Variants in KIRREL3 observed in about 807,000 individuals in gnomAD.
KIRREL3 encodes kirre like nephrin family adhesion molecule 3.
A neutral mutation model predicts 89.7 loss-of-function variants in KIRREL3; 36 were observed. That is an observed-to-expected ratio of 0.40 (90% CI 0.31 to 0.53). KIRREL3 has a LOEUF of 0.53. Ranked by LOEUF, KIRREL3 falls within the 20% of genes least tolerant of loss-of-function variation. The probability of loss-of-function intolerance (pLI) is 0.49; values close to 1 mark genes in which losing one functional copy is unlikely to be tolerated. For synonymous variants in KIRREL3, 445 were observed against 441.4 expected (o/e 1.01, Z -0.10); for missense variants, 864 against 1,056.6 (o/e 0.82, Z 2.53).
chr11:126,982,528 G>T (rs775005422), intron 1 of KIRREL3, among the ~76,000 whole-genome samples: 10 of 152,156 alleles, frequency 6.6e-5, no homozygotes, highest in African/African-American at 1.2e-4. Flanking sequence ...ACAATGAGTG[G>T]CATCTAATGT....
rs1342674752 is a variant in KIRREL3, at chr11:126,495,213, A to T, written c.434-21747T>A. 3.9e-5 allele frequency among the ~76,000 whole-genome samples: 6 copies of T among 152,028 alleles called. No homozygotes were observed. Among genetic ancestry groups the T allele is most frequent in the Admixed American group, 3.9e-4 (6 of 15,278 alleles). On this transcript the variant is annotated intron_variant, in intron 4 of 16. Coordinates refer to ENST00000525144, the MANE Select transcript of KIRREL3 (RefSeq NM_032531.4). This position sits in a 1 kb window ranked among gnomAD's most constrained non-coding sequence, Gnocchi z 6.5. ...AGGACACTTAGGGCAGGGCCTGCAA[A>T]CTGGCTCTTCCTTGCCTTTCAGGAA...
chr11:126,456,057 T>TTTTTTTTTTA (rs147218473), intron 7 of KIRREL3, among the ~76,000 whole-genome samples: 3 of 109,800 alleles, frequency 2.7e-5, no homozygotes, highest in Admixed American at 1.1e-4. Context: ...TTTTTTTTTT[T>TTTTTTTTTTA]CCTGAGCCTT....
At chr11:126,992,272 A>G (rs1950053722) in intron 1 of KIRREL3, among the ~76,000 whole-genome samples, 1 of 152,214 alleles carries the variant, frequency 6.6e-6, no homozygotes, top group Admixed American at 6.5e-5. Flanking sequence ...TTTGGACGTC[A>G]TCTAGTCTAC....
At chr11:126,738,164 C>T (rs964289888) in intron 1 of KIRREL3, among the ~76,000 whole-genome samples, 2 of 152,190 alleles carry the variant, frequency 1.3e-5, no homozygotes, top group Non-Finnish European at 2.9e-5. Flanking sequence ...AAGCATGTGC[C>T]ACCAACATCT....
rs930349988 is a variant in KIRREL3, at chr11:126,946,719, T to G, written c.55+53736A>C. ...GATATCCTAATAACAGGTGTAATAA[T>G]AATCACTACTCTTATTAATTTTGTA... On this transcript the variant is annotated intron_variant, in intron 1 of 16. Transcript: ENST00000525144. This position sits in a 1 kb window ranked among gnomAD's most constrained non-coding sequence, Gnocchi z 4.1. 2.0e-5 allele frequency among the ~76,000 whole-genome samples: 3 copies of G among 152,184 alleles called. No individual in the cohort carries two copies. The highest frequency in any genetic ancestry group is 7.2e-5 in the African/African-American group (3 of 41,442).
chr11:126,603,575 A>C (rs982205535), intron 1 of KIRREL3, among the ~76,000 whole-genome samples: 2 of 152,378 alleles, frequency 1.3e-5, no homozygotes, highest in South Asian at 2.1e-4. Context: ...CTCTGCAGAC[A>C]TGCTGAACTG....
Position 126,763,351 on chromosome 11 carries a change from C to T in KIRREL3, c.56-200439G>A, listed in dbSNP as rs1040180793. Reference sequence around the variant, plus strand: ...CAAGAGTCCACATCTGTGCCAAGGGCTGGGCAGGGCAGTGCTCCTCACTTC... The same window carrying T: ...CAAGAGTCCACATCTGTGCCAAGGGTTGGGCAGGGCAGTGCTCCTCACTTC... On this transcript the variant is annotated intron_variant, in intron 1 of 16. Transcript: ENST00000525144. This position sits in a 1 kb window ranked among gnomAD's most constrained non-coding sequence, Gnocchi z 4.7. 4.6e-5 allele frequency among the ~76,000 whole-genome samples: 7 copies of T among 152,192 alleles called. No individual in the cohort carries two copies. The highest frequency in any genetic ancestry group is 1.3e-4 in the Admixed American group (2 of 15,282).
At chr11:126,971,258 G>A (rs1237271311) in intron 1 of KIRREL3, among the ~76,000 whole-genome samples, 1 of 152,170 alleles carries the variant, frequency 6.6e-6, no homozygotes, top group African/African-American at 2.4e-5. Context: ...GTATGCTTCT[G>A]ATTCTTGAAT....
At chr11:126,894,174 G>A (rs980818184) in intron 1 of KIRREL3, among the ~76,000 whole-genome samples, 3 of 152,140 alleles carry the variant, frequency 2.0e-5, no homozygotes, top group Non-Finnish European at 4.4e-5. Context: ...TTCCTCTTAA[G>A]GAAAAATAAG....
chr11:126,812,693 C>A lies in KIRREL3; in HGVS notation c.55+187762G>T, dbSNP rs953368384. ...TTTGTCCATACAGCACCACACTGGG[C>A]GTCAGGGTCCTTTTGTTGGGATGAG... On this transcript the variant is annotated intron_variant, in intron 1 of 16. Coordinates refer to ENST00000525144, the MANE Select transcript of KIRREL3 (RefSeq NM_032531.4). The surrounding 1 kb of genome is among the most constrained non-coding windows in gnomAD (Gnocchi z 5.2). 6.6e-6 allele frequency among the ~76,000 whole-genome samples: 1 copy of A among 152,204 alleles called. No homozygotes were observed. The highest frequency in any genetic ancestry group is 6.5e-5 in the Admixed American group (1 of 15,274).
intron 2 of KIRREL3, among the ~76,000 whole-genome samples, chr11:126,554,915 C>CT (rs1939585466): frequency 6.6e-6 from 1 of 152,172 alleles, no homozygotes; most frequent in African/African-American, 2.4e-5. Flanking sequence ...AGCAGGGCAG[C>CT]AACTGGGCAT....
chr11:126,949,040 T>C (rs1316092894), intron 1 of KIRREL3, among the ~76,000 whole-genome samples: 2 of 152,226 alleles, frequency 1.3e-5, no homozygotes, highest in Non-Finnish European at 2.9e-5. Flanking sequence ...TTTATTATTC[T>C]ACAACATGAT....
rs1167897696 is a variant in KIRREL3, at chr11:126,527,050, G to A, written c.134-363C>T. The stretch of plus-strand genomic sequence containing the variant: ...TGCTGGGCATGCAGTCCCACACCAG[G>A]GCAGAAACAGGAGAGAGAGAGAGAG... On this transcript the variant is annotated intron_variant, in intron 2 of 16. Transcript: ENST00000525144. The surrounding 1 kb of genome is among the most constrained non-coding windows in gnomAD (Gnocchi z 4.2). Among the ~76,000 whole-genome samples the A allele has an allele frequency of 6.6e-6, 1 of 152,184 alleles. No individual in the cohort carries two copies. Among genetic ancestry groups the A allele is most frequent in the African/African-American group, 2.4e-5 (1 of 41,440 alleles).
chr11:126,514,436 C>T (rs1187034763), intron 4 of KIRREL3, among the ~76,000 whole-genome samples: 1 of 152,104 alleles, frequency 6.6e-6, no homozygotes, highest in Non-Finnish European at 1.5e-5. Flanking sequence ...TCCTGCCTTG[C>T]TTGATACATG....
intron 2 of KIRREL3, among the ~76,000 whole-genome samples, chr11:126,546,080 CTG>C (rs1240259890): frequency 2.6e-5 from 4 of 152,190 alleles, no homozygotes; most frequent in African/African-American, 7.2e-5. Flanking sequence ...AAAGTAATGA[CTG>C]TGGTGTTTGG....
rs1412815274 is a variant in KIRREL3, at chr11:126,636,096, A to G, written c.56-73184T>C. 2.0e-5 allele frequency among the ~76,000 whole-genome samples: 3 copies of G among 152,124 alleles called. No individual in the cohort carries two copies. In the East Asian group the frequency reaches 5.8e-4, roughly 29 times the overall value. On this transcript the variant is annotated intron_variant, in intron 1 of 16. Coordinates refer to ENST00000525144, the MANE Select transcript of KIRREL3 (RefSeq NM_032531.4). The surrounding 1 kb of genome is among the most constrained non-coding windows in gnomAD (Gnocchi z 4.4). Reference sequence around the variant, plus strand: ...CTACCTCACAACTCTGCCACTTACTATTTTTAGGACCTTGGGGAAGTCATA... The same window carrying G: ...CTACCTCACAACTCTGCCACTTACTGTTTTTAGGACCTTGGGGAAGTCATA...
At position 126,782,886 on chromosome 11, in the gene KIRREL3, A is replaced by G. The variant is rs547739920; in HGVS notation, c.55+217569T>C. Reference sequence around the variant, plus strand: ...TACAGTAGCAACAAGCACACCTAACAATCCAGAGTTTGGTTTCTGATACCA... The same window carrying G: ...TACAGTAGCAACAAGCACACCTAACGATCCAGAGTTTGGTTTCTGATACCA... On this transcript the variant is annotated intron_variant, in intron 1 of 16. Transcript: ENST00000525144. This position sits in a 1 kb window ranked among gnomAD's most constrained non-coding sequence, Gnocchi z 4.1. 2.6e-5 allele frequency among the ~76,000 whole-genome samples: 4 copies of G among 152,326 alleles called. No individual in the cohort carries two copies. Among genetic ancestry groups the G allele is most frequent in the Admixed American group, 2.6e-4 (4 of 15,294 alleles).
chr11:126,984,190 A>C (rs917219876), intron 1 of KIRREL3, among the ~76,000 whole-genome samples: 1 of 152,204 alleles, frequency 6.6e-6, no homozygotes, highest in Non-Finnish European at 1.5e-5. Flanking sequence ...ACCTCTGAAT[A>C]GTGCCCTTCA....
intron 5 of KIRREL3, among the ~76,000 whole-genome samples, chr11:126,466,731 T>G (rs1235267101): frequency 6.6e-6 from 1 of 152,202 alleles, no homozygotes; most frequent in Non-Finnish European, 1.5e-5. Context: ...CAGGTTCTAG[T>G]CGCAGCTCCA....
Sources: allele counts gnomAD v4.1 joint callset (sites outside exome capture counted in the v4.1 genomes callset), GRCh38; gene constraint gnomAD v4.1.1; non-coding constraint Gnocchi (gnomAD v3.1); transcripts MANE v1.5; gene names NCBI Gene and HGNC (gene_info 2026-07-23, HGNC 2026-07-21).